KCNH1: variants seen among roughly 807,000 people sequenced by gnomAD.
The protein encoded by KCNH1 is potassium voltage-gated channel subfamily H member 1, also known as voltage-gated delayed rectifier potassium channel KCNH1.
KCNH1 carries 27 observed loss-of-function variants against 69.2 expected under a neutral mutation model. The ratio of observed to expected loss-of-function variants is 0.39; its 90% CI spans 0.29 to 0.54. The LOEUF (loss-of-function observed/expected upper bound fraction) is 0.54. Ranked by LOEUF, KCNH1 falls within the 20% of genes least tolerant of loss-of-function variation. The probability of loss-of-function intolerance (pLI) is 0.68; values close to 1 mark genes in which losing one functional copy is unlikely to be tolerated. For synonymous variants in KCNH1, 456 were observed against 487.7 expected, an observed-to-expected ratio of 0.93 and a Z score of 0.86; for missense variants, 798 against 1,261.6, an observed-to-expected ratio of 0.63 and a Z score of 5.57.
intron 7 of KCNH1, among the ~76,000 whole-genome samples, chr1:210,902,946 T>C (rs916885050): frequency 2.0e-5 from 3 of 152,218 alleles, no homozygotes; most frequent in African/African-American, 7.2e-5. Context: ...CAGGAGAAAG[T>C]ATAAGCTTTT....
At chr1:210,999,568 C>T in intron 6 of KCNH1, among the ~76,000 whole-genome samples, 1 of 152,152 alleles carries the variant, frequency 6.6e-6, no homozygotes. Context: ...GGTTCACAGC[C>T]AAATTCTACC....
intron 5 of KCNH1, among the ~76,000 whole-genome samples, chr1:211,052,448 A>G (rs1267492474): frequency 6.6e-6 from 1 of 152,226 alleles, no homozygotes; most frequent in Non-Finnish European, 1.5e-5. Flanking sequence ...AACATTGCTC[A>G]AAACCCAGGT....
At chr1:210,739,748 T>A (rs1376138535) in intron 10 of KCNH1, among the ~76,000 whole-genome samples, 1 of 152,184 alleles carries the variant, frequency 6.6e-6, no homozygotes, top group African/African-American at 2.4e-5. Context: ...CTAAACTGAA[T>A]TTTCAGGCTA....
rs747753570 is a variant in KCNH1, at chr1:210,683,970, G to A, written c.2281C>T (p.Leu761=). ...CCCTTCTCCACATCTAGGTCATCCA[G>A]GTCCCGGCCCCCTCTCTCAGCTGCC... ...RLAAERGGRD[L]DDLDVEKGNV... The change falls in exon 11 of 11, where the codon CTG becomes TTG. Residue 761 remains leucine (L), a synonymous_variant. Transcript: ENST00000271751. The surrounding 1 kb of genome is among the most constrained non-coding windows in gnomAD (Gnocchi z 5.7). 1.5e-5 allele frequency: 24 copies of A among 1,601,886 alleles called. No homozygotes were observed. The South Asian group carries it at 2.5e-4, about 17-fold the overall frequency.
chr1:210,683,573 T>C lies in KCNH1; in HGVS notation c.2678A>G (p.Asn893Ser). ...CTGGGGACTCCTGGCCTCACCCACG[T>C]TGTCCAGGCGCAAGTCGCTCTTGGT... Reference protein sequence around the residue: ...GITKSDLRLDNVGEARSPQDR... With the variant: ...GITKSDLRLDSVGEARSPQDR... The change falls in exon 11 of 11, where the codon AAC (asparagine) becomes AGC (serine). Residue 893 changes from asparagine (N) to serine (S), a missense_variant. Transcript: ENST00000271751. The surrounding 1 kb of genome is among the most constrained non-coding windows in gnomAD (Gnocchi z 5.7). 2 of 1,614,140 alleles carry C rather than the reference T, an allele frequency of 1.2e-6. No homozygotes were observed. Among genetic ancestry groups the C allele is most frequent in the South Asian group, 1.1e-5 (1 of 91,068 alleles).
intron 6 of KCNH1, among the ~76,000 whole-genome samples, chr1:210,960,441 T>C (rs1199643798): frequency 6.6e-6 from 1 of 152,182 alleles, no homozygotes; most frequent in East Asian, 1.9e-4. Flanking sequence ...TCCACCTCTT[T>C]CCCCAGGCAA....
chr1:211,020,776 A>C (rs1689574192), intron 5 of KCNH1, among the ~76,000 whole-genome samples: 1 of 152,010 alleles, frequency 6.6e-6, no homozygotes, highest in Admixed American at 6.6e-5. Context: ...CAGAACATCA[A>C]AAAAAAGGTA....
chr1:210,950,215 T>TC, intron 6 of KCNH1, among the ~76,000 whole-genome samples: 1 of 151,560 alleles, frequency 6.6e-6, no homozygotes, highest in East Asian at 1.9e-4. Context: ...AGTTTAGATT[T>TC]CTTTTTTTTT....
chr1:211,032,244 G>A (rs1323674115), intron 5 of KCNH1, among the ~76,000 whole-genome samples: 4 of 152,140 alleles, frequency 2.6e-5, no homozygotes, highest in Admixed American at 1.3e-4. Context: ...ACAAACCACT[G>A]CTCAGTGAAA....
At chr1:210,939,830 C>T (rs566308512) in intron 6 of KCNH1, among the ~76,000 whole-genome samples, 20 of 152,152 alleles carry the variant, frequency 1.3e-4, no homozygotes, top group Non-Finnish European at 2.6e-4. Context: ...ATAGAGTCTA[C>T]CTTTAAATTC....
chr1:210,879,567 AT>A (rs1384142232), intron 7 of KCNH1, among the ~76,000 whole-genome samples: 14 of 152,022 alleles, frequency 9.2e-5, no homozygotes, highest in Admixed American at 9.2e-4. Flanking sequence ...CTTATTTCTG[AT>A]AAAAACTCTC....
intron 5 of KCNH1, among the ~76,000 whole-genome samples, chr1:211,076,464 C>G (rs1690736017): frequency 6.6e-6 from 1 of 152,222 alleles, no homozygotes; most frequent in South Asian, 2.1e-4. Flanking sequence ...TCCAGGCAAA[C>G]AAGATCTGGA....
At chr1:210,937,953 C>A (rs938525623) in intron 6 of KCNH1, among the ~76,000 whole-genome samples, 2 of 152,166 alleles carry the variant, frequency 1.3e-5, no homozygotes, top group Admixed American at 6.5e-5. Flanking sequence ...TGGCTTTAAC[C>A]ACCATCTATT....
At chr1:210,798,443 G>C (rs1221348022) in intron 8 of KCNH1, among the ~76,000 whole-genome samples, 1 of 152,200 alleles carries the variant, frequency 6.6e-6, no homozygotes, top group Non-Finnish European at 1.5e-5. Flanking sequence ...AAGAGAACTT[G>C]AGCAATAGCC....
chr1:210,920,571 G>T (rs1687438310), intron 6 of KCNH1, among the ~76,000 whole-genome samples: 2 of 152,010 alleles, frequency 1.3e-5, no homozygotes, highest in Non-Finnish European at 1.5e-5. Flanking sequence ...GGTTATTGCT[G>T]CATTAGCAAG....
At chr1:211,050,263 A>G (rs1028355936) in intron 5 of KCNH1, among the ~76,000 whole-genome samples, 4 of 79,044 alleles carry the variant, frequency 5.1e-5, no homozygotes, top group African/African-American at 1.7e-4. Flanking sequence ...ACATTCTTAA[A>G]AAAAAAAAAA....
chr1:210,837,176 T>C (rs1014043160), intron 7 of KCNH1, among the ~76,000 whole-genome samples: 1 of 152,198 alleles, frequency 6.6e-6, no homozygotes. Flanking sequence ...AACATCTTCC[T>C]ATTCTCAGTC....
intron 7 of KCNH1, among the ~76,000 whole-genome samples, chr1:210,806,855 A>ATATATATATATATATATAT (rs1553346606): frequency 7.9e-5 from 10 of 127,322 alleles, no homozygotes; most frequent in Admixed American, 1.6e-4. Flanking sequence ...ATATATATAT[A>ATATATATATATATATATAT]AATTTGCCGG....
chr1:210,764,145 A>G (rs1230549159), intron 10 of KCNH1, among the ~76,000 whole-genome samples: 1 of 152,042 alleles, frequency 6.6e-6, no homozygotes, highest in African/African-American at 2.4e-5. Context: ...AATAAATGAT[A>G]CGAGAAAATT....
Sources: gnomAD v4.1 joint callset for allele counts (sites outside exome capture counted in the v4.1 genomes callset) on GRCh38, gnomAD v4.1.1 for gene constraint, Gnocchi (gnomAD v3.1) non-coding constraint, MANE v1.5 for transcripts, NCBI Gene and HGNC (gene_info 2026-07-23, HGNC 2026-07-21) for gene names.